Variants in RIPOR2 observed in about 807,000 individuals in gnomAD.
RIPOR2 encodes RHO family interacting cell polarization regulator 2.
In RIPOR2, 39 loss-of-function variants were observed where a neutral mutation model predicts 114.5. That is an observed-to-expected ratio of 0.34 (90% confidence interval 0.26 to 0.44). The LOEUF is 0.44. RIPOR2 is among the 20% of genes least tolerant of loss of function. The probability of loss-of-function intolerance (pLI) is 1.00; values close to 1 mark genes in which losing one functional copy is unlikely to be tolerated. For synonymous variants in RIPOR2, 445 were observed against 484.4 expected, an observed-to-expected ratio of 0.92 and a Z score of 1.07; for missense variants, 1,007 against 1,255.1, an observed-to-expected ratio of 0.80 and a Z score of 2.99.
chr6:25,024,228 T>C, intron 1 of RIPOR2: 1 of 1,521,306 alleles, frequency 6.6e-7, no homozygotes, highest in South Asian at 1.1e-5. Flanking sequence ...GAGGTAGCGG[T>C]CCTCATACAG....
chr6:24,833,498 C>CA (rs145511348), intron 15 of RIPOR2, among the ~76,000 whole-genome samples: 25 of 149,994 alleles, frequency 1.7e-4, no homozygotes, highest in South Asian at 4.3e-4. Context: ...GAGATTGTCT[C>CA]AAAAAAAACA....
chr6:24,984,732 C>T (rs941299924), intron 1 of RIPOR2, among the ~76,000 whole-genome samples: 6 of 152,058 alleles, frequency 3.9e-5, no homozygotes, highest in Admixed American at 3.9e-4. Context: ...ATGTAAGCTT[C>T]AATTATCATT....
At chr6:25,023,262 C>A (rs1776419508) in intron 1 of RIPOR2, 2 of 731,772 alleles carry the variant, frequency 2.7e-6, no homozygotes, top group South Asian at 1.3e-5. Flanking sequence ...TTGGCAGTGA[C>A]CTTGCTCTGC....
intron 1 of RIPOR2, among the ~76,000 whole-genome samples, chr6:24,924,148 C>A (rs942571413): frequency 6.6e-6 from 1 of 152,188 alleles, no homozygotes. Context: ...CAAAGCTCTG[C>A]TAATCCCATG....
chr6:25,004,555 A>T (rs1386606124), intron 1 of RIPOR2, among the ~76,000 whole-genome samples: 1 of 152,122 alleles, frequency 6.6e-6, no homozygotes, highest in Non-Finnish European at 1.5e-5. Flanking sequence ...AACAGCACTG[A>T]TTTGACAGTA....
chr6:24,952,063 T>C (rs1382323562), intron 1 of RIPOR2, among the ~76,000 whole-genome samples: 1 of 152,194 alleles, frequency 6.6e-6, no homozygotes, highest in Non-Finnish European at 1.5e-5. Context: ...TGAAATGCGA[T>C]GGAGCAACAT....
intron 1 of RIPOR2, among the ~76,000 whole-genome samples, chr6:24,962,761 G>C (rs1015085739): frequency 1.3e-5 from 2 of 152,140 alleles, no homozygotes; most frequent in East Asian, 3.9e-4. Context: ...ATTCATCCTG[G>C]CTTCCTTAGT....
chr6:24,836,126 GA>G, intron 14 of RIPOR2: 1 of 461,948 alleles, frequency 2.2e-6, no homozygotes, highest in Non-Finnish European at 4.0e-6. Context: ...AACCACTTAT[GA>G]AGTAGTTTCA....
intron 1 of RIPOR2, among the ~76,000 whole-genome samples, chr6:24,923,373 T>G (rs899081549): frequency 3.3e-5 from 5 of 152,242 alleles, no homozygotes; most frequent in African/African-American, 1.2e-4. Flanking sequence ...TTAATTATTT[T>G]GGGTATATAC....
At chr6:24,839,297 A>G (rs1392491221) in intron 13 of RIPOR2, 25 bp from the exon 14 acceptor site, 1 of 1,541,106 alleles carries the variant, frequency 6.5e-7, no homozygotes, top group Non-Finnish European at 8.8e-7. Flanking sequence ...GGCACCAGGG[A>G]GAACATCAAC....
intron 13 of RIPOR2, chr6:24,839,701 C>T (rs554762254): frequency 6.7e-7 from 1 of 1,496,628 alleles, no homozygotes; most frequent in South Asian, 1.4e-5. Flanking sequence ...TGCTATATCC[C>T]TCTGCCTAGT....
intron 1 of RIPOR2, among the ~76,000 whole-genome samples, chr6:25,032,122 G>A (rs968580092): frequency 2.0e-5 from 3 of 150,912 alleles, no homozygotes; most frequent in African/African-American, 4.9e-5. Flanking sequence ...GTTCTTTGCC[G>A]ACTCACTTAC....
intron 1 of RIPOR2, among the ~76,000 whole-genome samples, chr6:24,983,755 T>TAAAA (rs1561825568): frequency 1.6e-4 from 3 of 18,774 alleles, no homozygotes; most frequent in African/African-American, 5.1e-4. Context: ...AGACTGTGTC[T>TAAAA]CAAAAAAAAA....
At chr6:24,892,950 G>A (rs1767511049) in intron 1 of RIPOR2, among the ~76,000 whole-genome samples, 1 of 152,158 alleles carries the variant, frequency 6.6e-6, no homozygotes, top group Non-Finnish European at 1.5e-5. Flanking sequence ...GCAAGGAAAT[G>A]TCCATACTTA....
At chr6:24,848,708 G>A (rs1457475425) in intron 11 of RIPOR2, among the ~76,000 whole-genome samples, 1 of 152,168 alleles carries the variant, frequency 6.6e-6, no homozygotes, top group Non-Finnish European at 1.5e-5. Context: ...TCTTGCATGT[G>A]AGACATCAAT....
chr6:24,829,408 G>A (rs1049833079), intron 17 of RIPOR2, among the ~76,000 whole-genome samples: 2 of 151,882 alleles, frequency 1.3e-5, no homozygotes, highest in African/African-American at 4.8e-5. Context: ...AGGGAGGATT[G>A]CTTGAGCCCA....
chr6:24,970,051 A>G (rs1773708309), intron 1 of RIPOR2, among the ~76,000 whole-genome samples: 1 of 152,128 alleles, frequency 6.6e-6, no homozygotes, highest in African/African-American at 2.4e-5. Context: ...TTCTTTATAG[A>G]AGAGGCAAGA....
At chr6:24,921,912 C>A (rs1481773303) in intron 1 of RIPOR2, among the ~76,000 whole-genome samples, 1 of 151,994 alleles carries the variant, frequency 6.6e-6, no homozygotes, top group Non-Finnish European at 1.5e-5. Context: ...TCACTGCAAC[C>A]TCCACCTCCT....
chr6:24,848,490 T>C (rs1762539881), intron 11 of RIPOR2, among the ~76,000 whole-genome samples: 1 of 152,218 alleles, frequency 6.6e-6, no homozygotes, highest in Admixed American at 6.5e-5. Context: ...GAAAAGTCTA[T>C]AAAAATTATC....
Sources: allele counts gnomAD v4.1 joint callset (sites outside exome capture counted in the v4.1 genomes callset), GRCh38; gene constraint gnomAD v4.1.1; transcripts MANE v1.5; gene names NCBI Gene and HGNC (gene_info 2026-07-23, HGNC 2026-07-21).